The following DNAH1 variants were observed in gnomAD, a reference collection of about 807,000 sequenced individuals.
The protein encoded by DNAH1 is axonemal beta dynein heavy chain 1.
A neutral mutation model predicts 484.3 loss-of-function variants in DNAH1; 327 were observed. That is an observed-to-expected ratio of 0.68 (90% CI 0.62 to 0.74). DNAH1 has a LOEUF of 0.74. DNAH1 is among the 30% of genes least tolerant of loss of function. The pLI is 0.00. For missense variants in DNAH1, 5,052 were observed against 5,546.8 expected (o/e 0.91, Z 2.83); for synonymous variants, 2,192 against 2,191.9 (o/e 1.00, Z 0.00).
chr3:52,375,138 T>C, intron 44 of DNAH1, 102 bp from the exon 45 acceptor site: 1 of 1,304,304 alleles, frequency 7.7e-7, no homozygotes, highest in South Asian at 1.5e-5. Flanking sequence ...ATTCCAGTAC[T>C]GTTCTAAAGT....
At chr3:52,374,364 T>G in intron 44 of DNAH1, 5 of 1,436,402 alleles carry the variant, frequency 3.5e-6, no homozygotes, top group Non-Finnish European at 4.9e-6. Context: ...CCAGCTGGCA[T>G]ACTGTGGAGT....
chr3:52,396,694 C>T lies in DNAH1; in HGVS notation c.11507C>T (p.Pro3836Leu), dbSNP rs1186957125. 1 of 1,613,782 alleles carries T rather than the reference C, an allele frequency of 6.2e-7. No homozygotes were observed. Among genetic ancestry groups the T allele is most frequent in the Non-Finnish European group, 8.5e-7 (1 of 1,179,884 alleles). ...GNALERRKFG[P>L]LGFNIPYEFT... ...GCCCTGGAGCGCCGTAAGTTTGGGC[C>T]CCTGGGCTTCAACATCCCCTATGAG... The change falls in exon 72 of 78, where the codon CCC (proline) becomes CTC (leucine). Residue 3836 changes from proline to leucine, a missense_variant. Around this residue, in one of 4 missense-constraint regions of DNAH1, gnomAD observed 853 missense variants for 899.0 expected, o/e 0.95. Coordinates refer to ENST00000420323, the MANE Select transcript of DNAH1 (RefSeq NM_015512.5).
intron 41 of DNAH1, among the ~76,000 whole-genome samples, chr3:52,371,612 T>G (rs1703340711): frequency 6.6e-6 from 1 of 152,184 alleles, no homozygotes; most frequent in Non-Finnish European, 1.5e-5. Flanking sequence ...CCCCTTTGCA[T>G]TCTGGGTTGT....
rs559216813 is a variant in DNAH1 at position 52,322,559 on chromosome 3, G to C, written c.117G>C (p.Gly39=). ...ACAGGGGCCTAGAGTATAACCCGGG[G>C]AAGATTCTTCCAGGATCAGACTATG... ...GTHRGLEYNP[G]KILPGSDYGL... is the part of the protein sequence containing the mutation. Residue 39 remains glycine (G), a synonymous_variant, in exon 2 of 78, where the codon GGG becomes GGC. Coordinates refer to ENST00000420323, the MANE Select transcript of DNAH1 (RefSeq NM_015512.5). The C allele has an allele frequency of 6.2e-6, 10 of 1,613,890 alleles. No individual in the cohort carries two copies. The highest frequency in any genetic ancestry group is 1.1e-5 in the South Asian group (1 of 91,084).
intron 3 of DNAH1, among the ~76,000 whole-genome samples, chr3:52,325,240 C>A (rs1045532166): frequency 2.0e-5 from 3 of 152,092 alleles, no homozygotes; most frequent in African/African-American, 7.2e-5. Context: ...TCTGTGGGAC[C>A]CCAGATGCCA....
At position 52,388,337 on chromosome 3, in the gene DNAH1, G is replaced by A. The variant is rs375005082; in HGVS notation, c.9171+3G>A. On this transcript the variant is annotated splice_donor_region_variant and intron_variant, in intron 57 of 77. Transcript: ENST00000420323. ...CCAAGGCCGTGGAGCCCAAGCGGGT[G>A]AGGGCTGAGTGGAGCTGGTGGGGGA... is the stretch of plus-strand genomic sequence containing the variant. The A allele has an allele frequency of 1.9e-6, 3 of 1,602,678 alleles. No individual in the cohort carries two copies. Among genetic ancestry groups the A allele is most frequent in the Non-Finnish European group, 1.7e-6 (2 of 1,174,696 alleles).
chr3:52,332,275 G>A lies in DNAH1; in HGVS notation c.1167G>A (p.Leu389=), dbSNP rs2153223261. The change falls in exon 8 of 78, where the codon CTG becomes CTA. Residue 389 remains leucine, a synonymous_variant. Transcript: ENST00000420323. ...NALRKNTEAL[L]LYNLYVDCMP... is the part of the protein sequence containing the mutation. ...TGCGCAAGAACACGGAAGCACTGCT[G>A]CTCTACAACTTGTATGTGGACTGCA... is the stretch of plus-strand genomic sequence containing the variant. The A allele has an allele frequency of 1.2e-6, 2 of 1,614,058 alleles. No homozygotes were observed. The highest frequency in any genetic ancestry group is 1.7e-6 in the Non-Finnish European group (2 of 1,179,892).
In DNAH1 at chr3:52,399,537, ACCC is replaced by A; in HGVS notation, c.12442-7_12442-5del. The A allele has an allele frequency of 6.2e-7, 1 of 1,601,484 alleles. No individual in the cohort carries two copies. Among genetic ancestry groups the A allele is most frequent in the Non-Finnish European group, 8.5e-7 (1 of 1,171,280 alleles). Reference sequence around the variant, plus strand: ...ATGTGTGTGGGGTGTGTCTGTGTCTACCCACAGGTGATGTTTGAGGCACCATCA... The same window carrying A: ...ATGTGTGTGGGGTGTGTCTGTGTCTAACAGGTGATGTTTGAGGCACCATCA... On this transcript the variant is annotated splice_polypyrimidine_tract_variant and splice_region_variant and intron_variant, in intron 76 of 77. Coordinates refer to ENST00000420323, the MANE Select transcript of DNAH1 (RefSeq NM_015512.5).
chr3:52,393,604 G>A (rs1461094481), intron 66 of DNAH1, 119 bp downstream of exon 66: 3 of 1,427,394 alleles, frequency 2.1e-6, no homozygotes, highest in Admixed American at 4.2e-5. Flanking sequence ...CAAAGTGGCA[G>A]AGGAAACAAT....
intron 3 of DNAH1, 116 bp downstream of exon 3, chr3:52,323,996 G>A: frequency 1.3e-6 from 1 of 753,480 alleles, no homozygotes; most frequent in South Asian, 1.8e-5. Context: ...TAACTGTGGA[G>A]CGGGGATAAT....
rs1703198986 is a variant in DNAH1 at position 52,368,900 on chromosome 3, G to T, written c.5925G>T (p.Glu1975Asp). 5 of 1,613,494 alleles carry T rather than the reference G, an allele frequency of 3.1e-6. No homozygotes were observed. In the East Asian group the frequency reaches 1.1e-4, roughly 36 times the overall value. Residue 1975 changes from glutamate (E) to aspartate (D), a missense_variant, in exon 37 of 78, where the codon GAG becomes GAT. This residue lies in a region of DNAH1 where 2,929 missense variants were observed against 3,409.4 expected (regional missense o/e 0.86). Coordinates refer to ENST00000420323, the MANE Select transcript of DNAH1 (RefSeq NM_015512.5). This position sits in a 1 kb window ranked among gnomAD's most constrained non-coding sequence, Gnocchi z 4.4. ...DNKKLCLSSG[E>D]IIKLTEAMTM... is the part of the protein sequence containing the mutation. ...AGAAGCTGTGCCTCAGCTCTGGGGA[G>T]ATCATCAAGCTCACAGAGGTGCACC...
intron 8 of DNAH1, among the ~76,000 whole-genome samples, chr3:52,334,759 C>G (rs930184724): frequency 2.6e-5 from 4 of 152,280 alleles, no homozygotes; most frequent in East Asian, 3.9e-4. Flanking sequence ...CGTCACTGCA[C>G]TCCAGCATGG....
chr3:52,352,632 G>A lies in DNAH1; in HGVS notation c.2952G>A (p.Lys984=), dbSNP rs1702440390. The A allele has an allele frequency of 1.2e-6, 2 of 1,612,650 alleles. No individual in the cohort carries two copies. Among genetic ancestry groups the A allele is most frequent in the Admixed American group, 1.7e-5 (1 of 59,756 alleles). Residue 984 remains lysine (K), a synonymous_variant, in exon 18 of 78, where the codon AAG becomes AAA. Coordinates refer to ENST00000420323, the MANE Select transcript of DNAH1 (RefSeq NM_015512.5). Reference sequence around the variant, plus strand: ...CCAACGAGGTGCGGCGTGTCAAGAAGCAGCTGAAGGACTGCCAGCAGCTGG... The same window carrying A: ...CCAACGAGGTGCGGCGTGTCAAGAAACAGCTGAAGGACTGCCAGCAGCTGG... The part of the protein sequence containing the change: ...EIANEVRRVK[K]QLKDCQQLAM...
At chr3:52,396,042 G>A (rs972667547) in intron 70 of DNAH1, among the ~76,000 whole-genome samples, 6 of 151,246 alleles carry the variant, frequency 4.0e-5, no homozygotes, top group Non-Finnish European at 2.9e-5. Context: ...GAGTTCAAGC[G>A]ATTCTTCTGC....
rs771849109 is a variant in DNAH1 at position 52,370,631 on chromosome 3, A to G, written c.6413A>G (p.Glu2138Gly). 4 of 1,610,514 alleles carry G rather than the reference A, an allele frequency of 2.5e-6. No homozygotes were observed. The South Asian group carries it at 4.4e-5, about 18-fold the overall frequency. ...SHWLRLKMENEQLTLLFPEEG... is the reference protein window; with the variant it reads ...SHWLRLKMENGQLTLLFPEEG... Reference sequence around the variant, plus strand: ...TGGCTAAGGCTCAAGATGGAGAACGAACAGGTGAGAGCCGGCGGCCCCCAG... The same window carrying G: ...TGGCTAAGGCTCAAGATGGAGAACGGACAGGTGAGAGCCGGCGGCCCCCAG... Residue 2138 changes from glutamate (E) to glycine (G), a missense_variant, in exon 40 of 78, where the codon GAA becomes GGA. By Grantham distance (98) the Glu-to-Gly change is moderately conservative. Around this residue, in one of 4 missense-constraint regions of DNAH1, gnomAD observed 2,929 missense variants for 3,409.4 expected, o/e 0.86. Coordinates refer to ENST00000420323, the MANE Select transcript of DNAH1 (RefSeq NM_015512.5).
chr3:52,358,883 C>T lies in DNAH1; in HGVS notation c.4266+146C>T, dbSNP rs1414737629. The T allele has an allele frequency of 3.2e-6, 3 of 950,548 alleles. No homozygotes were observed. The highest frequency in any genetic ancestry group is 4.6e-6 in the Non-Finnish European group (3 of 645,276). The allele number at this position is 950,548 out of a possible 1,614,324, so 58.9% of individuals were successfully genotyped here. A position where few individuals can be genotyped will look rare whatever the true frequency, so the allele number is the denominator to read the frequency against. On this transcript the variant is annotated intron_variant, in intron 25 of 77. Transcript: ENST00000420323. This position sits in a 1 kb window ranked among gnomAD's most constrained non-coding sequence, Gnocchi z 4.2. ...GGCGGGATTCTGGAGTCTTTCCTTTCCACACACACTCCAGAAAGTGGGACT... is the reference window on the plus strand; with the variant it reads ...GGCGGGATTCTGGAGTCTTTCCTTTTCACACACACTCCAGAAAGTGGGACT...
chr3:52,357,505 C>T, intron 22 of DNAH1, 109 bp from the exon 23 acceptor site: 3 of 1,401,354 alleles, frequency 2.1e-6, no homozygotes, highest in Middle Eastern at 3.7e-4. Flanking sequence ...ATCTTCTTTC[C>T]CAGGCCCCGC....
intron 60 of DNAH1, 72 bp from the exon 61 acceptor site, chr3:52,390,863 G>T: frequency 6.5e-7 from 1 of 1,543,380 alleles, no homozygotes; most frequent in Non-Finnish European, 8.8e-7. Context: ...ACGAGGCCGG[G>T]AGATGCTGAT....
chr3:52,396,266 C>T, intron 70 of DNAH1, 102 bp from the exon 71 acceptor site: 1 of 1,323,878 alleles, frequency 7.6e-7, no homozygotes, highest in East Asian at 2.5e-5. Flanking sequence ...GTCTGTGCAG[C>T]CTCGCCTGAC....
Sources: allele counts gnomAD v4.1 joint callset (sites outside exome capture counted in the v4.1 genomes callset), GRCh38; gene constraint gnomAD v4.1.1; regional missense constraint gnomAD v4.1.1; non-coding constraint Gnocchi (gnomAD v3.1); transcripts MANE v1.5; gene names NCBI Gene and HGNC (gene_info 2026-07-23, HGNC 2026-07-21).